The following CLEC16A variants were observed in gnomAD, a reference collection of about 807,000 sequenced individuals.
CLEC16A encodes C-type lectin domain containing 16A, also known as protein CLEC16A.
CLEC16A carries 51 observed loss-of-function variants against 109.5 expected under a neutral mutation model. The observed-to-expected ratio is 0.47, with a 90% CI of 0.37 to 0.59. CLEC16A has a LOEUF of 0.59. CLEC16A is among the 20% of genes least tolerant of loss of function. CLEC16A has a pLI of 0.00. For synonymous variants in CLEC16A, 673 were observed against 564.2 expected (o/e 1.19, Z -2.73); for missense variants, 1,339 against 1,394.0 (o/e 0.96, Z 0.63).
intron 3 of CLEC16A, among the ~76,000 whole-genome samples, chr16:10,964,204 T>C (rs1185243660): frequency 6.6e-6 from 1 of 152,216 alleles, no homozygotes; most frequent in Non-Finnish European, 1.5e-5. Context: ...CGCTAGGTGG[T>C]GCTGCTGCCT....
At chr16:11,068,153 C>T (rs1371635152) in intron 19 of CLEC16A, among the ~76,000 whole-genome samples, 1 of 152,118 alleles carries the variant, frequency 6.6e-6, no homozygotes, top group Admixed American at 6.5e-5. Context: ...TTGGACAAAT[C>T]TATTCCCCTC....
chr16:10,985,220 AAT>A lies in CLEC16A; in HGVS notation c.1071+2245_1071+2246del, dbSNP rs57265284. 5.8e-3 allele frequency among the ~76,000 whole-genome samples: 601 copies of A among 104,122 alleles called. 46 individuals carry two copies. Among genetic ancestry groups the A allele is most frequent in the Middle Eastern group, 0.026 (5 of 190 alleles). 68.3% of individuals were successfully genotyped at this position (104,122 alleles called of 152,430 possible). On this transcript the variant is annotated intron_variant, in intron 10 of 23. Transcript: ENST00000409790. ...TCCATCTCAAAAAAAAAAAAAAAAAAATATATATATATATATAGTGCCCATCA... is the reference window on the plus strand; with the variant it reads ...TCCATCTCAAAAAAAAAAAAAAAAAAATATATATATATATAGTGCCCATCA...
At chr16:11,134,805 G>C (rs1471716112) in intron 22 of CLEC16A, among the ~76,000 whole-genome samples, 5 of 152,240 alleles carry the variant, frequency 3.3e-5, no homozygotes, top group Non-Finnish European at 7.3e-5. Flanking sequence ...GTCTCAGAAT[G>C]TCAGAGATCA....
chr16:11,154,238 A>G (rs2054413648), intron 22 of CLEC16A, among the ~76,000 whole-genome samples: 1 of 152,258 alleles, frequency 6.6e-6, no homozygotes, highest in South Asian at 2.1e-4. Flanking sequence ...GACTTAGAGT[A>G]GATTGAACCA....
chr16:11,150,552 G>A (rs1282439459), intron 22 of CLEC16A, among the ~76,000 whole-genome samples: 4 of 152,186 alleles, frequency 2.6e-5, no homozygotes, highest in Non-Finnish European at 4.4e-5. Context: ...AAGCAGAACT[G>A]CCAAGTCACA....
intron 23 of CLEC16A, among the ~76,000 whole-genome samples, chr16:11,170,737 C>T (rs924177427): frequency 1.3e-5 from 2 of 152,196 alleles, no homozygotes; most frequent in East Asian, 3.8e-4. Context: ...GGATAAGTCC[C>T]TACTGTGCAC....
intron 15 of CLEC16A, among the ~76,000 whole-genome samples, chr16:11,043,235 A>G (rs1367422390): frequency 6.6e-6 from 1 of 152,144 alleles, no homozygotes; most frequent in Non-Finnish European, 1.5e-5. Context: ...TCTGGACAAC[A>G]TAGTGAGACC....
At chr16:10,971,083 T>C in intron 4 of CLEC16A, 42 bp from the exon 5 acceptor site, 1 of 1,353,646 alleles carries the variant, frequency 7.4e-7, no homozygotes, top group Non-Finnish European at 1.1e-6. Flanking sequence ...CAGGCCTGGC[T>C]TATGGGCTTA....
intron 21 of CLEC16A, among the ~76,000 whole-genome samples, 180 bp downstream of exon 21, chr16:11,124,126 T>C (rs2052630431): frequency 6.6e-6 from 1 of 152,098 alleles, no homozygotes; most frequent in South Asian, 2.1e-4. Flanking sequence ...TTCTGGTGAG[T>C]TTCTAGGGCT....
chr16:11,035,403 G>A (rs35559153), intron 13 of CLEC16A, among the ~76,000 whole-genome samples: 24,395 of 152,218 alleles, frequency 0.16, 2,394 homozygotes, highest in South Asian at 0.23. Flanking sequence ...TGTATGGACT[G>A]TTGTGTTTGT....
Position 11,026,958 on chromosome 16 carries a change from C to T in CLEC16A, c.1537+2037C>T. 4 of 1,378,008 alleles carry T rather than the reference C, an allele frequency of 2.9e-6. No individual in the cohort carries two copies. The South Asian group carries it at 4.7e-5, about 16-fold the overall frequency. 85.4% of individuals were successfully genotyped at this position (1,378,008 alleles called of 1,614,324 possible). On this transcript the variant is annotated intron_variant, in intron 13 of 23. Transcript: ENST00000409790. ...ACAGACGTCTCTATGGTCAAGTAAA[C>T]AGCGCGCGTGCTGTCTTTCCCATGT...
chr16:11,009,772 C>T (rs1243228449), intron 11 of CLEC16A, among the ~76,000 whole-genome samples: 1 of 152,206 alleles, frequency 6.6e-6, no homozygotes, highest in Non-Finnish European at 1.5e-5. Context: ...TCAGTTTCCC[C>T]TGCCTTAACA....
At chr16:11,072,030 G>A (rs1206238673) in intron 19 of CLEC16A, among the ~76,000 whole-genome samples, 1 of 152,054 alleles carries the variant, frequency 6.6e-6, no homozygotes, top group Non-Finnish European at 1.5e-5. Flanking sequence ...AGATAAAACT[G>A]TGTGTGTGTG....
chr16:11,019,908 GA>G (rs1405168431), intron 11 of CLEC16A, among the ~76,000 whole-genome samples: 1 of 152,086 alleles, frequency 6.6e-6, no homozygotes, highest in Admixed American at 6.6e-5. Context: ...AAGTAAAAAA[GA>G]CGATTTTAAA....
At chr16:11,065,038 A>G (rs1177143359) in intron 19 of CLEC16A, among the ~76,000 whole-genome samples, 1 of 152,164 alleles carries the variant, frequency 6.6e-6, no homozygotes, top group Non-Finnish European at 1.5e-5. Flanking sequence ...GGATGATGGC[A>G]CTGTTTTGAG....
chr16:11,181,930 T>C lies in CLEC16A; in HGVS notation c.*3240T>C, dbSNP rs1333848350. The C allele has an allele frequency of 6.6e-6, 1 of 152,662 alleles. No homozygotes were observed. Among genetic ancestry groups the C allele is most frequent in the African/African-American group, 2.4e-5 (1 of 41,460 alleles). 9.5% of individuals were successfully genotyped at this position (152,662 alleles called of 1,614,324 possible). ...AATAAATCTGAAGCATTTAATGTAG[T>C]CATCTTGACATTGGGCCTACACTGT... is the stretch of plus-strand genomic sequence containing the variant. On this transcript the variant is annotated 3_prime_UTR_variant, in exon 24 of 24. Transcript: ENST00000409790.
intron 19 of CLEC16A, among the ~76,000 whole-genome samples, chr16:11,067,847 A>G (rs1597272234): frequency 6.6e-6 from 1 of 152,014 alleles, no homozygotes; most frequent in African/African-American, 2.4e-5. Context: ...TGCTCTGTCC[A>G]CTCTGTGGCC....
At chr16:11,011,860 A>ATT (rs1285767878) in intron 11 of CLEC16A, among the ~76,000 whole-genome samples, 1 of 151,428 alleles carries the variant, frequency 6.6e-6, no homozygotes, top group Non-Finnish European at 1.5e-5. Context: ...CCCATCTTAG[A>ATT]TTTGTATGTT....
At chr16:11,100,266 C>T (rs571930354) in intron 19 of CLEC16A, among the ~76,000 whole-genome samples, 4 of 152,308 alleles carry the variant, frequency 2.6e-5, no homozygotes, top group East Asian at 1.9e-4. Flanking sequence ...CTATCATGCC[C>T]TCCTACGGTC....
Sources: allele counts gnomAD v4.1 joint callset (sites outside exome capture counted in the v4.1 genomes callset), GRCh38; gene constraint gnomAD v4.1.1; transcripts MANE v1.5; gene names NCBI Gene and HGNC (gene_info 2026-07-23, HGNC 2026-07-21).